Variants in ZNF184 observed in about 807,000 individuals in gnomAD.
ZNF184 encodes zinc finger protein 184.
A neutral mutation model predicts 54.4 loss-of-function variants in ZNF184; 16 were observed. That is an observed-to-expected ratio of 0.29 (90% CI 0.20 to 0.45). ZNF184 has a LOEUF of 0.45. Ranked by LOEUF, ZNF184 falls within the 20% of genes least tolerant of loss-of-function variation. The probability of loss-of-function intolerance (pLI) is 1.00; values close to 1 mark genes in which losing one functional copy is unlikely to be tolerated. For missense variants in ZNF184, 681 were observed against 888.2 expected (o/e 0.77, Z 2.97); for synonymous variants, 254 against 295.3 (o/e 0.86, Z 1.43).
At chr6:27,422,038 A>T in the ZNF184 span, among the ~76,000 whole-genome samples, 1 of 151,256 alleles carries the variant, frequency 6.6e-6, no homozygotes, top group East Asian at 2.0e-4. Flanking sequence ...CTACTGGGAA[A>T]GTTGAGGTGG....
At chr6:27,439,620 C>T in the ZNF184 span, among the ~76,000 whole-genome samples, 2 of 152,224 alleles carry the variant, frequency 1.3e-5, no homozygotes, top group African/African-American at 2.4e-5. Flanking sequence ...TATCATCTCG[C>T]ATCATCACAA....
the ZNF184 span, among the ~76,000 whole-genome samples, chr6:27,417,964 G>A: frequency 1.3e-5 from 2 of 152,168 alleles, no homozygotes; most frequent in African/African-American, 4.8e-5. Flanking sequence ...ACTAAACCAA[G>A]TTTCGTGGGC....
intron 5 of ZNF184, among the ~76,000 whole-genome samples, chr6:27,455,997 C>T (rs530473749): frequency 1.3e-3 from 192 of 152,290 alleles, no homozygotes; most frequent in African/African-American, 4.5e-3. Context: ...GTGGCTCACA[C>T]CTGTAATTGC....
At chr6:27,419,896 C>T in the ZNF184 span, among the ~76,000 whole-genome samples, 1 of 152,190 alleles carries the variant, frequency 6.6e-6, no homozygotes, top group Non-Finnish European at 1.5e-5. The surrounding 1 kb of genome is among the most constrained non-coding windows in gnomAD (Gnocchi z 4.8). Context: ...CCTGCTAAAA[C>T]TGAGTCCGAT....
the ZNF184 span, among the ~76,000 whole-genome samples, chr6:27,425,790 C>A: frequency 2.0e-5 from 3 of 152,186 alleles, no homozygotes; most frequent in Admixed American, 2.0e-4. Flanking sequence ...TGGGACCCAT[C>A]CTCTTCCTAG....
the ZNF184 span, chr6:27,408,131 A>C: frequency 1.8e-5 from 12 of 675,454 alleles, no homozygotes; most frequent in East Asian, 3.3e-4. Flanking sequence ...AGTTTGTTAC[A>C]CTGGGGTGAG....
the ZNF184 span, among the ~76,000 whole-genome samples, chr6:27,410,108 T>C: frequency 6.6e-6 from 1 of 152,226 alleles, no homozygotes; most frequent in African/African-American, 2.4e-5. Flanking sequence ...CTATACCATG[T>C]AGGTTTGTGA....
chr6:27,445,063 C>T, the ZNF184 span, among the ~76,000 whole-genome samples: 4 of 152,174 alleles, frequency 2.6e-5, no homozygotes, highest in Admixed American at 1.3e-4. Flanking sequence ...TAAAGCTGAA[C>T]ATATGTATAC....
At chr6:27,420,755 A>C in the ZNF184 span, among the ~76,000 whole-genome samples, 1 of 152,212 alleles carries the variant, frequency 6.6e-6, no homozygotes, top group African/African-American at 2.4e-5. Context: ...TTATAAAACT[A>C]AACATACTAT....
the ZNF184 span, chr6:27,404,053 T>C: frequency 2.6e-5 from 4 of 152,190 alleles, no homozygotes; most frequent in Non-Finnish European, 5.9e-5. Context: ...AACTCCATTG[T>C]GTGTAAAAAA....
chr6:27,472,216 G>T lies in ZNF184; in HGVS notation c.7+72C>A. 1 of 1,594,374 alleles carries T rather than the reference G, an allele frequency of 6.3e-7. No homozygotes were observed. Among genetic ancestry groups the T allele is most frequent in the Non-Finnish European group, 8.6e-7 (1 of 1,164,794 alleles). On this transcript the variant is annotated intron_variant, in intron 2 of 5. Transcript: ENST00000683788. This position sits in a 1 kb window ranked among gnomAD's most constrained non-coding sequence, Gnocchi z 4.8. ...TCCAAATCTCCTGCTCTGATCTCAA[G>T]TATTTGATACTCCAGTCATGACTGT...
At chr6:27,445,727 A>AC in the ZNF184 span, among the ~76,000 whole-genome samples, 543 of 151,934 alleles carry the variant, frequency 3.6e-3, 15 homozygotes, top group African/African-American at 0.013. Context: ...ATAGCAAAAA[A>AC]AAAAAGACTA....
At chr6:27,433,474 T>C in the ZNF184 span, among the ~76,000 whole-genome samples, 1 of 152,224 alleles carries the variant, frequency 6.6e-6, no homozygotes, top group Non-Finnish European at 1.5e-5. Context: ...ATTTTCTGTC[T>C]ATTAAATAAT....
At chr6:27,465,646 A>T (rs900474108) in intron 3 of ZNF184, among the ~76,000 whole-genome samples, 9 of 152,154 alleles carry the variant, frequency 5.9e-5, no homozygotes, top group Admixed American at 5.2e-4. Context: ...ACCAGGCATT[A>T]AAAACACTGT....
chr6:27,425,125 G>C, the ZNF184 span, among the ~76,000 whole-genome samples: 2 of 152,204 alleles, frequency 1.3e-5, no homozygotes, highest in Non-Finnish European at 1.5e-5. Context: ...CTCCGAGCGC[G>C]GGGCCCGCCA....
chr6:27,423,040 G>C, the ZNF184 span, among the ~76,000 whole-genome samples: 1 of 152,266 alleles, frequency 6.6e-6, no homozygotes, highest in East Asian at 1.9e-4. Flanking sequence ...AACTTCGGAA[G>C]TGGCCTCGGA....
At chr6:27,416,366 A>C in the ZNF184 span, among the ~76,000 whole-genome samples, 4 of 152,206 alleles carry the variant, frequency 2.6e-5, no homozygotes, top group Admixed American at 6.5e-5. Context: ...ACTTATGTAG[A>C]CTTGGGAAAA....
At position 27,451,964 on chromosome 6, in the gene ZNF184, C is replaced by T; in HGVS notation, c.1595G>A (p.Cys532Tyr). The change falls in exon 6 of 6, where the codon TGT (cysteine) becomes TAT (tyrosine). Residue 532 changes from cysteine to tyrosine, a missense_variant. By Grantham distance (194) the Cys-to-Tyr change is radical (BLOSUM62 -2). Transcript: ENST00000683788. ...AATAAAAGCTTTCCCACATTCTTTA[C>T]ATTCATAAGCTTTCTCTTGAGTATG... ...KTHTQEKAYE[C>Y]KECGKAFIRS... 1 of 1,613,566 alleles carries T rather than the reference C, an allele frequency of 6.2e-7. No individual in the cohort carries two copies. The highest frequency in any genetic ancestry group is 1.1e-5 in the South Asian group (1 of 91,070).
chr6:27,456,992 CT>C, intron 4 of ZNF184, 71 bp from the exon 5 acceptor site: 1 of 1,387,490 alleles, frequency 7.2e-7, no homozygotes, highest in South Asian at 1.2e-5. Context: ...TCAATCACCA[CT>C]TTGTCTTTAG....
Sources: gnomAD v4.1 joint callset for allele counts (sites outside exome capture counted in the v4.1 genomes callset) on GRCh38, gnomAD v4.1.1 for gene constraint, Gnocchi (gnomAD v3.1) non-coding constraint, MANE v1.5 for transcripts, NCBI Gene and HGNC (gene_info 2026-07-23, HGNC 2026-07-21) for gene names.